The following TARBP1 variants were observed in gnomAD, a reference collection of about 807,000 sequenced individuals.
The protein encoded by TARBP1 is tRNA (guanosine(18)-2'-O)-methyltransferase TARBP1.
In TARBP1, 144 loss-of-function variants were observed where a neutral mutation model predicts 178.6. The observed-to-expected ratio is 0.81, with a 90% CI of 0.70 to 0.93. The LOEUF (loss-of-function observed/expected upper bound fraction) is 0.93. Among genes scored for constraint, TARBP1 ranks in the 40% least tolerant of loss-of-function variants. The pLI is 0.00. For synonymous variants in TARBP1, 787 were observed against 781.0 expected, an observed-to-expected ratio of 1.01 and a Z score of -0.13; for missense variants, 2,067 against 2,011.7, an observed-to-expected ratio of 1.03 and a Z score of -0.53.
Position 234,478,516 on chromosome 1 carries a change from C to A in TARBP1, c.588G>T (p.Leu196=). ...DAAALVAGRL[L]PVLVQCGGAA... Reference sequence around the variant, plus strand: ...CCCCGCCACATTGGACCAGCACTGGCAGCAGTCGCCCGGCCACCAGCGCCG... The same window carrying A: ...CCCCGCCACATTGGACCAGCACTGGAAGCAGTCGCCCGGCCACCAGCGCCG... The change falls in exon 1 of 30, where the codon CTG becomes CTT. Residue 196 remains leucine (L), a synonymous_variant. Transcript: ENST00000040877. 7.2e-7 allele frequency: 1 copy of A among 1,382,700 alleles called. No individual in the cohort carries two copies. Among genetic ancestry groups the A allele is most frequent in the Non-Finnish European group, 9.4e-7 (1 of 1,065,096 alleles). 85.7% of individuals were successfully genotyped at this position (1,382,700 alleles called of 1,614,324 possible).
intron 13 of TARBP1, among the ~76,000 whole-genome samples, chr1:234,436,706 T>TAAAC (rs1665059320): frequency 1.3e-5 from 2 of 152,198 alleles, no homozygotes; most frequent in Admixed American, 6.5e-5. Context: ...CTAGAGATTT[T>TAAAC]AAACAAACAA....
At chr1:234,405,819 G>A in intron 24 of TARBP1, 84 bp downstream of exon 24, 2 of 1,314,232 alleles carry the variant, frequency 1.5e-6, no homozygotes, top group Non-Finnish European at 2.1e-6. Flanking sequence ...GGAAGGAGAA[G>A]CTGACACAGT....
intron 14 of TARBP1, among the ~76,000 whole-genome samples, chr1:234,432,315 G>A (rs566501679): frequency 3.3e-5 from 5 of 151,798 alleles, no homozygotes; most frequent in East Asian, 3.9e-4. Context: ...GGTGGCACAC[G>A]CCTGTAGTCC....
At position 234,460,347 on chromosome 1, in the gene TARBP1, A is replaced by G; in HGVS notation, c.1449T>C (p.Cys483=). The change falls in exon 7 of 30, where the codon TGT becomes TGC. Residue 483 remains cysteine (C), a synonymous_variant. Transcript: ENST00000040877. ...TAGATAGAAACAAAATGGGAACAGC[A>G]CACCAATGCCTACTTGTCATCTTCC... ...FIRKMTSRHW[C]AVPILFLSKA... 2 of 1,614,228 alleles carry G rather than the reference A, an allele frequency of 1.2e-6. No homozygotes were observed. The highest frequency in any genetic ancestry group is 1.7e-6 in the Non-Finnish European group (2 of 1,180,040).
chr1:234,432,678 A>C lies in TARBP1; in HGVS notation c.2394+732T>G, dbSNP rs999538380. ...CACTCATTCTCCACGGAGGGACCAG[A>C]CTGAATGACAGCCTCCATGAGGAAG... On this transcript the variant is annotated intron_variant, in intron 14 of 29. Transcript: ENST00000040877. Among the ~76,000 whole-genome samples the C allele has an allele frequency of 3.3e-5, 5 of 152,122 alleles. No homozygotes were observed. The South Asian group carries it at 1.0e-3, about 31-fold the overall frequency.
intron 9 of TARBP1, among the ~76,000 whole-genome samples, chr1:234,453,708 A>T (rs1226364491): frequency 6.6e-6 from 1 of 152,196 alleles, no homozygotes; most frequent in Non-Finnish European, 1.5e-5. Context: ...ATACAGTCAA[A>T]TTTACACTAA....
chr1:234,437,498 T>C, intron 12 of TARBP1, 126 bp from the exon 13 acceptor site: 2 of 513,938 alleles, frequency 3.9e-6, no homozygotes, highest in Non-Finnish European at 7.1e-6. Context: ...TAAATTGCAA[T>C]AATATAATAA....
rs764069323 is a variant in TARBP1, at chr1:234,392,507, C to T, written c.4606G>A (p.Glu1536Lys). Residue 1536 changes from glutamate to lysine, a missense_variant, in exon 29 of 30, where the codon GAA (glutamate) becomes AAA (lysine). By Grantham distance (56) the Glu-to-Lys change is moderately conservative (BLOSUM62 1). Transcript: ENST00000040877. ...LIDYLQQKKT[E>K]GYTIIGVEQT... ...TCCACTCCAATGATGGTATAACCTT[C>T]TGTTTTCTTCTGCTGCAGATAATCA... 7 of 1,614,084 alleles carry T rather than the reference C, an allele frequency of 4.3e-6. No individual in the cohort carries two copies. The Admixed American group carries it at 1.0e-4, about 23-fold the overall frequency.
intron 22 of TARBP1, among the ~76,000 whole-genome samples, chr1:234,412,876 G>C (rs1292489402): frequency 6.6e-6 from 1 of 152,098 alleles, no homozygotes; most frequent in Non-Finnish European, 1.5e-5. Context: ...CCCGATGCAG[G>C]CCCCTTCCAC....
In TARBP1 at chr1:234,446,865, C is replaced by A. The variant is rs770281284; in HGVS notation, c.2072G>T (p.Cys691Phe). 1 of 1,614,056 alleles carries A rather than the reference C, an allele frequency of 6.2e-7. No individual in the cohort carries two copies. Among genetic ancestry groups the A allele is most frequent in the Admixed American group, 1.7e-5 (1 of 60,004 alleles). Residue 691 changes from cysteine to phenylalanine, a missense_variant, in exon 12 of 30, where the codon TGC (cysteine) becomes TTC (phenylalanine). By Grantham distance (205) the Cys-to-Phe change is radical. Coordinates refer to ENST00000040877, the MANE Select transcript of TARBP1 (RefSeq NM_005646.4). ...AYMPLLKTDR[C>F]LQLLLKLLNT... ...CAACAGCTTCAACAGCAGCTGGAGG[C>A]ATCTGTCAGTCTTCAGCAAGGGCAT... is the stretch of plus-strand genomic sequence containing the variant.
At chr1:234,407,424 GC>G (rs1469018813) in intron 23 of TARBP1, 2 of 147,742 alleles carry the variant, frequency 1.4e-5, no homozygotes, top group East Asian at 4.0e-4. Flanking sequence ...TGCAATTTCT[GC>G]CTCCCGGGTT....
intron 6 of TARBP1, among the ~76,000 whole-genome samples, chr1:234,463,366 T>C (rs2039936): frequency 0.1 from 15,500 of 152,202 alleles, 921 homozygotes; most frequent in Middle Eastern, 0.29. Flanking sequence ...TCAGGTGATC[T>C]GTCTGCCTCG....
At position 234,420,721 on chromosome 1, in the gene TARBP1, A is replaced by G. The variant is rs1296393307; in HGVS notation, c.3536T>C (p.Leu1179Pro). ...KNRVWQTLLVLFPRLDQNFLN... is the reference protein window; with the variant it reads ...KNRVWQTLLVPFPRLDQNFLN... ...TGATACCTGGTCAAGTCTAGGGAAA[A>G]GTACCAGCAGAGTCTGCCACACTCG... The change falls in exon 21 of 30, where the codon CTT becomes CCT. Residue 1179 changes from leucine (L) to proline (P), a missense_variant. By Grantham distance (98) the Leu-to-Pro change is moderately conservative (BLOSUM62 -3). Coordinates refer to ENST00000040877, the MANE Select transcript of TARBP1 (RefSeq NM_005646.4). 5 of 1,609,430 alleles carry G rather than the reference A, an allele frequency of 3.1e-6. No individual in the cohort carries two copies. Among genetic ancestry groups the G allele is most frequent in the Non-Finnish European group, 2.5e-6 (3 of 1,177,924 alleles).
chr1:234,435,062 T>C (rs996846575), intron 13 of TARBP1, among the ~76,000 whole-genome samples: 1 of 152,178 alleles, frequency 6.6e-6, no homozygotes. Flanking sequence ...GTAACAAAGA[T>C]AAAAGTCAAA....
At chr1:234,433,070 C>T (rs1027640948) in intron 14 of TARBP1, among the ~76,000 whole-genome samples, 2 of 152,012 alleles carry the variant, frequency 1.3e-5, no homozygotes, top group African/African-American at 4.8e-5. Flanking sequence ...AAACCCGTCT[C>T]CACTAAAAAA....
chr1:234,419,386 C>T (rs1662831725), intron 21 of TARBP1, among the ~76,000 whole-genome samples: 1 of 152,020 alleles, frequency 6.6e-6, no homozygotes, highest in South Asian at 2.1e-4. Context: ...TATCATTCAC[C>T]ACTAGCTGTG....
Position 234,478,330 on chromosome 1 carries a change from G to C in TARBP1, c.774C>G (p.Asp258Glu). 1 of 1,328,218 alleles carries C rather than the reference G, an allele frequency of 7.5e-7. No individual in the cohort carries two copies. Among genetic ancestry groups the C allele is most frequent in the Non-Finnish European group, 9.6e-7 (1 of 1,042,678 alleles). 82.3% of individuals were successfully genotyped at this position (1,328,218 alleles called of 1,614,324 possible). A position where few individuals can be genotyped will look rare whatever the true frequency, so the allele number is the denominator to read the frequency against. The stretch of plus-strand genomic sequence containing the variant: ...TCCAGAAGCGCCAGCAGCGCCGGGC[G>C]TCCGGGCCCGCCTCGCGCGCGCCGC... ...RARGAREAGP[D>E]ARRCWRFWRT... Residue 258 changes from aspartate to glutamate, a missense_variant, in exon 1 of 30, where the codon GAC becomes GAG. Asp to Glu is a conservative substitution (Grantham distance 45). Coordinates refer to ENST00000040877, the MANE Select transcript of TARBP1 (RefSeq NM_005646.4).
chr1:234,435,774 C>A (rs58750429), intron 13 of TARBP1, among the ~76,000 whole-genome samples: 1 of 152,058 alleles, frequency 6.6e-6, no homozygotes, highest in Non-Finnish European at 1.5e-5. Flanking sequence ...TGAACTAAGA[C>A]AGGCAGCGGC....
chr1:234,412,942 T>G (rs1662005652), intron 22 of TARBP1, among the ~76,000 whole-genome samples: 1 of 152,150 alleles, frequency 6.6e-6, no homozygotes, highest in South Asian at 2.1e-4. Flanking sequence ...GCAAGCCTGA[T>G]GCATCCAGAG....
Sources: allele counts gnomAD v4.1 joint callset (sites outside exome capture counted in the v4.1 genomes callset), GRCh38; gene constraint gnomAD v4.1.1; transcripts MANE v1.5; gene names NCBI Gene and HGNC (gene_info 2026-07-23, HGNC 2026-07-21).